CFAP54: variants seen among roughly 807,000 people sequenced by gnomAD.
CFAP54 encodes the protein cilia- and flagella-associated protein 54.
In CFAP54, 290 loss-of-function variants were observed where a neutral mutation model predicts 370.4. The observed-to-expected ratio is 0.78, with a 90% confidence interval of 0.71 to 0.86. The LOEUF is 0.86. Among genes scored for constraint, CFAP54 ranks in the 40% least tolerant of loss-of-function variants. The pLI is 0.00. For synonymous variants in CFAP54, 1,206 were observed against 1,236.5 expected, an observed-to-expected ratio of 0.98 and a Z score of 0.52; for missense variants, 3,399 against 3,528.7, an observed-to-expected ratio of 0.96 and a Z score of 0.93.
intron 50 of CFAP54, among the ~76,000 whole-genome samples, 185 bp from the exon 51 acceptor site, chr12:96,739,771 A>G (rs1056717675): frequency 6.6e-6 from 1 of 152,194 alleles, no homozygotes; most frequent in Admixed American, 6.5e-5. Context: ...GCAATGAAAT[A>G]TGACAAGTAC....
chr12:96,684,907 T>C (rs1957309006), intron 41 of CFAP54, 122 bp from the exon 42 acceptor site: 5 of 981,218 alleles, frequency 5.1e-6, no homozygotes, highest in Non-Finnish European at 7.7e-6. Context: ...GAACAGTGAA[T>C]GTATTATAGT....
intron 62 of CFAP54, 55 bp from the exon 63 acceptor site, chr12:96,792,274 A>G (rs528006858): frequency 1.5e-6 from 2 of 1,378,562 alleles, no homozygotes; most frequent in South Asian, 1.6e-5. Flanking sequence ...TTTGTTTCAT[A>G]TATGTAACAA....
chr12:96,709,671 A>G (rs1957588794), intron 48 of CFAP54, among the ~76,000 whole-genome samples: 1 of 150,988 alleles, frequency 6.6e-6, no homozygotes, highest in Non-Finnish European at 1.5e-5. Flanking sequence ...CCAACCTTAC[A>G]TTCTTGGGAT....
Position 96,783,808 on chromosome 12 carries a change from C to T in CFAP54, c.8282-909C>T, listed in dbSNP as rs925433019. ...GGCTGAGGCAGGAGAATTGCTTGAACCCGGGAGGAGAAGGTTGCGGTGAGC... is the reference window on the plus strand; with the variant it reads ...GGCTGAGGCAGGAGAATTGCTTGAATCCGGGAGGAGAAGGTTGCGGTGAGC... On this transcript the variant is annotated intron_variant, in intron 60 of 67. Coordinates refer to ENST00000524981, the MANE Select transcript of CFAP54 (RefSeq NM_001306084.2). Among the ~76,000 whole-genome samples the T allele has an allele frequency of 3.3e-5, 5 of 152,182 alleles. No individual in the cohort carries two copies. In the East Asian group the frequency reaches 7.7e-4, roughly 23 times the overall value.
chr12:96,549,588 T>C (rs933061274), intron 15 of CFAP54, among the ~76,000 whole-genome samples: 2 of 152,222 alleles, frequency 1.3e-5, no homozygotes, highest in Non-Finnish European at 2.9e-5. Flanking sequence ...GAGCATAGCA[T>C]TTGGTGTGGA....
chr12:96,708,173 T>C (rs902397210), intron 47 of CFAP54, among the ~76,000 whole-genome samples: 2 of 152,136 alleles, frequency 1.3e-5, no homozygotes, highest in African/African-American at 4.8e-5. Flanking sequence ...GTTCTAATGA[T>C]TGACGGTGGA....
At chr12:96,648,431 C>T (rs971907230) in intron 34 of CFAP54, among the ~76,000 whole-genome samples, 15 of 152,174 alleles carry the variant, frequency 9.9e-5, no homozygotes, top group Non-Finnish European at 2.1e-4. Context: ...ATCATGATAG[C>T]TGATTTTGTA....
intron 46 of CFAP54, among the ~76,000 whole-genome samples, chr12:96,702,988 C>T (rs1253421938): frequency 6.6e-6 from 1 of 152,118 alleles, no homozygotes; most frequent in Non-Finnish European, 1.5e-5. Context: ...TTATTAAACT[C>T]TCTTTAATGT....
intron 20 of CFAP54, among the ~76,000 whole-genome samples, chr12:96,578,875 A>G (rs945561702): frequency 3.9e-5 from 6 of 152,228 alleles, no homozygotes; most frequent in Non-Finnish European, 7.3e-5. Flanking sequence ...AAACTGTTCT[A>G]AAGTTAGTAC....
Position 96,729,461 on chromosome 12 carries a change from C to T in CFAP54, c.6965+8896C>T, listed in dbSNP as rs555254376. On this transcript the variant is annotated intron_variant, in intron 50 of 67. Coordinates refer to ENST00000524981, the MANE Select transcript of CFAP54 (RefSeq NM_001306084.2). ...GCTGTGCTAGCAATCAGCAAGATTC[C>T]ATGGGCGTGGGCGTAGGACCCTCCG... is the stretch of plus-strand genomic sequence containing the variant. Among the ~76,000 whole-genome samples, 782 of 152,336 alleles carry T rather than the reference C, an allele frequency of 5.1e-3. 7 individuals carry two copies. The highest frequency in any genetic ancestry group is 0.018 in the African/African-American group (739 of 41,586).
chr12:96,643,210 A>C (rs766123498), intron 32 of CFAP54, among the ~76,000 whole-genome samples: 5 of 152,206 alleles, frequency 3.3e-5, no homozygotes, highest in Non-Finnish European at 5.9e-5. Flanking sequence ...TGACAAAAAA[A>C]CCCTAAAACT....
At chr12:96,549,834 T>A (rs574659513) in intron 15 of CFAP54, among the ~76,000 whole-genome samples, 1 of 152,322 alleles carries the variant, frequency 6.6e-6, no homozygotes, top group Non-Finnish European at 1.5e-5. Flanking sequence ...TTAGGGTTTT[T>A]AGACTCACTG....
chr12:96,729,308 C>G (rs1270914679), intron 50 of CFAP54, among the ~76,000 whole-genome samples: 1 of 152,210 alleles, frequency 6.6e-6, no homozygotes, highest in Admixed American at 6.5e-5. Context: ...GCCGGCAGGC[C>G]TCCTTGAGCT....
chr12:96,715,755 A>T (rs952788870), intron 48 of CFAP54, among the ~76,000 whole-genome samples: 2 of 152,168 alleles, frequency 1.3e-5, no homozygotes, highest in African/African-American at 4.8e-5. Context: ...TGGCTTTTTC[A>T]TTGGAATTCG....
rs1244636376 is a variant in CFAP54, at chr12:96,742,546, T to A, written c.7179T>A (p.Thr2393=). The A allele has an allele frequency of 1.9e-6, 3 of 1,613,224 alleles. No homozygotes were observed. The highest frequency in any genetic ancestry group is 2.5e-6 in the Non-Finnish European group (3 of 1,179,710). The change falls in exon 52 of 68, where the codon ACT becomes ACA. Residue 2393 remains threonine (T), a synonymous_variant. Coordinates refer to ENST00000524981, the MANE Select transcript of CFAP54 (RefSeq NM_001306084.2). ...TGAGGTGCCGCTTAGCATTGGTGAC[T>A]GCATTTGTTGCACAGATTCATGGCA... is the stretch of plus-strand genomic sequence containing the variant. The part of the protein sequence containing the change: ...LWLRCRLALV[T]AFVAQIHGIG...
intron 33 of CFAP54, among the ~76,000 whole-genome samples, chr12:96,644,789 C>T (rs1420759058): frequency 1.3e-5 from 2 of 152,068 alleles, no homozygotes; most frequent in African/African-American, 2.4e-5. Context: ...GAAAACTGCC[C>T]CCATGATTCA....
intron 19 of CFAP54, among the ~76,000 whole-genome samples, chr12:96,568,520 A>C (rs938473814): frequency 6.6e-6 from 1 of 152,182 alleles, no homozygotes; most frequent in Non-Finnish European, 1.5e-5. Context: ...CTCCTAAACA[A>C]TGATGTTATG....
In CFAP54 at chr12:96,852,505, T is replaced by C. The variant is rs577763888; in HGVS notation, c.9172-8314T>C. Among the ~76,000 whole-genome samples, 215 of 152,204 alleles carry C rather than the reference T, an allele frequency of 1.4e-3. 6 individuals carry two copies. The South Asian group carries it at 0.043, about 31-fold the overall frequency. ...ACCTCAACCCTTACTTTACAGAATATACAAAGTGAATTCCAAATTGATTGT... is the reference window on the plus strand; with the variant it reads ...ACCTCAACCCTTACTTTACAGAATACACAAAGTGAATTCCAAATTGATTGT... On this transcript the variant is annotated intron_variant, in intron 66 of 67. Transcript: ENST00000524981.
At chr12:96,542,308 A>G (rs1409378544) in intron 14 of CFAP54, among the ~76,000 whole-genome samples, 1 of 152,222 alleles carries the variant, frequency 6.6e-6, no homozygotes, top group East Asian at 1.9e-4. Flanking sequence ...TACTTCAGCT[A>G]GCCTGGACCT....
Sources: allele counts gnomAD v4.1 joint callset (sites outside exome capture counted in the v4.1 genomes callset), GRCh38; gene constraint gnomAD v4.1.1; transcripts MANE v1.5; gene names NCBI Gene and HGNC (gene_info 2026-07-23, HGNC 2026-07-21).